PDK1: variants seen among roughly 807,000 people sequenced by gnomAD.
The protein encoded by PDK1 is pyruvate dehydrogenase kinase 1.
PDK1 carries 39 observed loss-of-function variants against 54.2 expected under a neutral mutation model. That is an observed-to-expected ratio of 0.72 (90% CI 0.56 to 0.94). The LOEUF (loss-of-function observed/expected upper bound fraction) is 0.94, where lower values mean the gene tolerates loss of function less well. PDK1 is among the 40% of genes least tolerant of loss of function. The pLI is 0.00. For synonymous variants in PDK1, 221 were observed against 207.1 expected (o/e 1.07, Z -0.58); for missense variants, 552 against 566.0 (o/e 0.98, Z 0.25).
At chr2:172,720,535 A>G in the PDK1 span, among the ~76,000 whole-genome samples, 1 of 152,100 alleles carries the variant, frequency 6.6e-6, no homozygotes, top group Non-Finnish European at 1.5e-5. Context: ...CAGTATTGCA[A>G]GCTCAGTTGT....
At position 172,599,865 on chromosome 2, in the gene PDK1, G is replaced by A. The variant is rs1691054736; in HGVS notation, c.*3896G>A. 6.6e-6 allele frequency: 1 copy of A among 152,098 alleles called. No individual in the cohort carries two copies. Among genetic ancestry groups the A allele is most frequent in the African/African-American group, 2.4e-5 (1 of 41,416 alleles). The allele number at this position is 152,098 out of a possible 1,614,324, so 9.4% of individuals were successfully genotyped here. On this transcript the variant is annotated 3_prime_UTR_variant, in exon 11 of 11. Transcript: ENST00000282077. ...TCTTTTTGGTTGACTTGGAAAAGCT[G>A]TTGTTTATATTGGGAATTGTGACAG...
chr2:172,665,093 T>G, the PDK1 span, among the ~76,000 whole-genome samples: 1 of 152,190 alleles, frequency 6.6e-6, no homozygotes. Flanking sequence ...CCTTTTTTCT[T>G]GCAGGAACCT....
chr2:172,567,194 G>C (rs1689003455), intron 6 of PDK1, among the ~76,000 whole-genome samples: 1 of 151,570 alleles, frequency 6.6e-6, no homozygotes, highest in Admixed American at 6.6e-5. Flanking sequence ...TTTATTTTCT[G>C]TTTAGTCATA....
chr2:172,658,428 C>A, the PDK1 span, among the ~76,000 whole-genome samples: 1 of 152,124 alleles, frequency 6.6e-6, no homozygotes, highest in Non-Finnish European at 1.5e-5. Context: ...ATTGTGTTAA[C>A]TGTACAAATT....
At chr2:172,559,303 G>GT (rs1688531660) in intron 2 of PDK1, among the ~76,000 whole-genome samples, 1 of 152,186 alleles carries the variant, frequency 6.6e-6, no homozygotes, top group Admixed American at 6.5e-5. Context: ...TGGGGGCAAT[G>GT]TATTTGGGCT....
At chr2:172,562,870 C>T in intron 3 of PDK1, 1 of 1,417,604 alleles carries the variant, frequency 7.1e-7, no homozygotes, top group African/African-American at 1.4e-5. Context: ...CCTTATGCAG[C>T]TACCTGCTTA....
chr2:172,601,251 C>T lies in PDK1; in HGVS notation c.*5282C>T, dbSNP rs1691106447. ...GCAAAACTAGCAAAAGGATGAAATACACAAGAAAATGAGAGAATTTAAGAG... is the reference window on the plus strand; with the variant it reads ...GCAAAACTAGCAAAAGGATGAAATATACAAGAAAATGAGAGAATTTAAGAG... On this transcript the variant is annotated 3_prime_UTR_variant, in exon 11 of 11. Coordinates refer to ENST00000282077, the MANE Select transcript of PDK1 (RefSeq NM_002610.5). 1 of 152,030 alleles carries T rather than the reference C, an allele frequency of 6.6e-6. No individual in the cohort carries two copies. Among genetic ancestry groups the T allele is most frequent in the African/African-American group, 2.4e-5 (1 of 41,348 alleles). 9.4% of individuals were successfully genotyped at this position (152,030 alleles called of 1,614,324 possible). A position where few individuals can be genotyped will look rare whatever the true frequency, so the allele number is the denominator to read the frequency against.
the PDK1 span, among the ~76,000 whole-genome samples, chr2:172,691,921 G>A: frequency 6.6e-6 from 1 of 152,152 alleles, no homozygotes; most frequent in Non-Finnish European, 1.5e-5. Context: ...AACTCCTTTG[G>A]GTAAATACCA....
At chr2:172,706,326 C>T in the PDK1 span, among the ~76,000 whole-genome samples, 2 of 151,026 alleles carry the variant, frequency 1.3e-5, no homozygotes, top group Non-Finnish European at 2.9e-5. Context: ...TTTGTAATTG[C>T]TTATTGTAAC....
the PDK1 span, among the ~76,000 whole-genome samples, chr2:172,628,231 G>C: frequency 3.3e-5 from 5 of 152,308 alleles, no homozygotes; most frequent in South Asian, 1.0e-3. Flanking sequence ...TCATAGGGAA[G>C]GTCAAGGTTT....
rs753758838 is a variant in PDK1, at chr2:172,562,720, A to G, written c.410+429A>G. 3.0e-6 allele frequency: 4 copies of G among 1,354,642 alleles called. No homozygotes were observed. The South Asian group carries it at 3.5e-5, about 12-fold the overall frequency. The allele number at this position is 1,354,642 out of a possible 1,614,324, so 83.9% of individuals were successfully genotyped here. ...ACTTTTGAAAGATTGGTAACTAATT[A>G]AAACATTTTTTAAAACACAGAAGGC... On this transcript the variant is annotated intron_variant, in intron 3 of 10. Coordinates refer to ENST00000282077, the MANE Select transcript of PDK1 (RefSeq NM_002610.5).
chr2:172,610,416 T>C (rs1691425173), downstream of PDK1, among the ~76,000 whole-genome samples: 1 of 151,890 alleles, frequency 6.6e-6, no homozygotes. Context: ...CCAGCCACCA[T>C]GGTGGGGGGG....
At chr2:172,685,218 C>T in the PDK1 span, among the ~76,000 whole-genome samples, 1 of 152,216 alleles carries the variant, frequency 6.6e-6, no homozygotes, top group Non-Finnish European at 1.5e-5. Flanking sequence ...AATACAACAG[C>T]TCTACTCACC....
intron 8 of PDK1, among the ~76,000 whole-genome samples, chr2:172,576,445 A>G (rs1204201575): frequency 6.6e-6 from 1 of 151,478 alleles, no homozygotes; most frequent in Non-Finnish European, 1.5e-5. Context: ...CTAAAGAACC[A>G]ATTTTTTATT....
At chr2:172,670,771 A>T in the PDK1 span, among the ~76,000 whole-genome samples, 1 of 152,158 alleles carries the variant, frequency 6.6e-6, no homozygotes, top group Non-Finnish European at 1.5e-5. Context: ...AATTTTCTTT[A>T]TTTATATTTC....
chr2:172,601,673 T>TG lies in PDK1; in HGVS notation c.*5708dup, dbSNP rs1274338901. 1 of 152,100 alleles carries TG rather than the reference T, an allele frequency of 6.6e-6. No individual in the cohort carries two copies. Among genetic ancestry groups the TG allele is most frequent in the African/African-American group, 2.4e-5 (1 of 41,402 alleles). The allele number at this position is 152,100 out of a possible 1,614,324, so 9.4% of individuals were successfully genotyped here. A position where few individuals can be genotyped will look rare whatever the true frequency, so the allele number is the denominator to read the frequency against. On this transcript the variant is annotated 3_prime_UTR_variant, in exon 11 of 11. Coordinates refer to ENST00000282077, the MANE Select transcript of PDK1 (RefSeq NM_002610.5). The stretch of plus-strand genomic sequence containing the variant: ...TCTCAGGCAGTTCTTTATAGCAGTG[T>TG]GGGGATGGACTAATACTCGCTGGGT...
chr2:172,715,074 A>T, the PDK1 span, among the ~76,000 whole-genome samples: 35,937 of 152,114 alleles, frequency 0.24, 5,230 homozygotes, highest in Non-Finnish European at 0.33. Flanking sequence ...TATGTTCTGG[A>T]TACTTGAAAA....
At chr2:172,646,735 C>CTTTTT in the PDK1 span, among the ~76,000 whole-genome samples, 48 of 72,050 alleles carry the variant, frequency 6.7e-4, 5 homozygotes, top group Admixed American at 2.9e-3. Context: ...CTTGCATTTC[C>CTTTTT]TTTTTTTTTT....
At chr2:172,557,625 G>A (rs1244010456) in intron 1 of PDK1, among the ~76,000 whole-genome samples, 1 of 148,338 alleles carries the variant, frequency 6.7e-6, no homozygotes, top group Non-Finnish European at 1.5e-5. Flanking sequence ...GTGTGTGTGT[G>A]TGTGTGTGTG....
Sources: allele counts gnomAD v4.1 joint callset (sites outside exome capture counted in the v4.1 genomes callset), GRCh38; gene constraint gnomAD v4.1.1; transcripts MANE v1.5; gene names NCBI Gene and HGNC (gene_info 2026-07-23, HGNC 2026-07-21).